TMEM125: variants seen among roughly 807,000 people sequenced by gnomAD.
TMEM125 encodes transmembrane protein 125.
Under a neutral mutation model 8.7 loss-of-function variants are expected in TMEM125, and 11 were observed. That is an observed-to-expected ratio of 1.26 (90% CI 0.79 to 2.08). The LOEUF (loss-of-function observed/expected upper bound fraction) is 2.08. Ranked by LOEUF, TMEM125 falls within the 30% of genes most tolerant of loss-of-function variation. The probability of loss-of-function intolerance (pLI) is 0.00; values close to 1 mark genes in which losing one functional copy is unlikely to be tolerated. For missense variants in TMEM125, 270 were observed against 302.4 expected, an observed-to-expected ratio of 0.89 and a Z score of 0.79; for synonymous variants, 144 against 146.1, an observed-to-expected ratio of 0.99 and a Z score of 0.10.
chr1:43,273,279 C>T lies in TMEM125; in HGVS notation c.557C>T (p.Thr186Ile), dbSNP rs201418322. 567 of 1,614,030 alleles carry T rather than the reference C, an allele frequency of 3.5e-4. 2 individuals are homozygous for T. The highest frequency in any genetic ancestry group is 4.7e-4 in the Non-Finnish European group (554 of 1,180,014). ...TCCATCTGTATGGCCACTCCCTCCA[C>T]CCACAGTGGCCATGGCGGCCATGGC... ...CPSICMATPS[T>I]HSGHGGHGSI... Residue 186 changes from threonine to isoleucine, a missense_variant, in exon 4 of 4, where the codon ACC becomes ATC. Physicochemically the swap from Thr to Ile is moderately conservative, Grantham distance 89. This residue lies in a region of TMEM125 where 52 missense variants were observed against 69.4 expected (regional missense o/e 0.75). Transcript: ENST00000439858.
At position 43,272,666 on chromosome 1, in the gene TMEM125, C is replaced by A; in HGVS notation, c.-57C>A. On this transcript the variant is annotated 5_prime_UTR_variant, in exon 4 of 4. The change creates a new upstream start codon in the 5' untranslated region. Transcript: ENST00000439858. The surrounding 1 kb of genome is among the most constrained non-coding windows in gnomAD (Gnocchi z 5.0). ...GGTGGCAGGTGCTCCAGGCTGTGAT[C>A]TGAACCCTCTGACCCCTGACATTGA... is the stretch of plus-strand genomic sequence containing the variant. The A allele has an allele frequency of 2.8e-6, 4 of 1,423,316 alleles. No homozygotes were observed. The South Asian group carries it at 4.7e-5, about 17-fold the overall frequency. 88.2% of individuals were successfully genotyped at this position (1,423,316 alleles called of 1,614,324 possible).
chr1:43,271,545 A>T lies in TMEM125; in HGVS notation c.-301-639A>T, dbSNP rs1395442318. ...ATGCTTTCCTCTGGAGGACAGGTTA[A>T]ATCAGCAGCCACTGTTAGGTGCCTG... On this transcript the variant is annotated intron_variant, in intron 2 of 3. Transcript: ENST00000439858. This position sits in a 1 kb window ranked among gnomAD's most constrained non-coding sequence, Gnocchi z 4.9. 6.6e-6 allele frequency among the ~76,000 whole-genome samples: 1 copy of T among 152,222 alleles called. No individual in the cohort carries two copies. The highest frequency in any genetic ancestry group is 1.9e-4 in the East Asian group (1 of 5,200).
rs1251945405 is a variant in TMEM125 at position 43,271,512 on chromosome 1, T to C, written c.-301-672T>C. Among the ~76,000 whole-genome samples the C allele has an allele frequency of 6.6e-6, 1 of 152,224 alleles. No homozygotes were observed. ...CCTCATGTGCTTTATTTTTGCCCAA[T>C]GTGAGACATGCTTTCCTCTGGAGGA... is the stretch of plus-strand genomic sequence containing the variant. On this transcript the variant is annotated intron_variant, in intron 2 of 3. Coordinates refer to ENST00000439858, the MANE Select transcript of TMEM125 (RefSeq NM_144626.3). The surrounding 1 kb of genome is among the most constrained non-coding windows in gnomAD (Gnocchi z 4.9).
At position 43,272,770 on chromosome 1, in the gene TMEM125, G is replaced by A. The variant is rs570518925; in HGVS notation, c.48G>A (p.Pro16=). ...AQAPGGRGLP[P]DMLAEQVELW... Reference sequence around the variant, plus strand: ...CCCCAGGGGGCCGGGGGCTGCCCCCGGACATGCTGGCAGAGCAGGTGGAGC... The same window carrying A: ...CCCCAGGGGGCCGGGGGCTGCCCCCAGACATGCTGGCAGAGCAGGTGGAGC... The change falls in exon 4 of 4, where the codon CCG becomes CCA. Residue 16 remains proline (P), a synonymous_variant. Coordinates refer to ENST00000439858, the MANE Select transcript of TMEM125 (RefSeq NM_144626.3). This position sits in a 1 kb window ranked among gnomAD's most constrained non-coding sequence, Gnocchi z 5.0. The A allele has an allele frequency of 9.2e-6, 14 of 1,526,432 alleles. No homozygotes were observed. Among genetic ancestry groups the A allele is most frequent in the Admixed American group, 6.2e-5 (3 of 48,186 alleles). 94.6% of individuals were successfully genotyped at this position (1,526,432 alleles called of 1,614,324 possible). A position where few individuals can be genotyped will look rare whatever the true frequency, so the allele number is the denominator to read the frequency against.
rs774242701 is a variant in TMEM125 at position 43,272,693 on chromosome 1, C to T, written c.-30C>T. The T allele has an allele frequency of 1.4e-6, 2 of 1,474,860 alleles. No individual in the cohort carries two copies. The highest frequency in any genetic ancestry group is 9.0e-7 in the Non-Finnish European group (1 of 1,117,044). 91.4% of individuals were successfully genotyped at this position (1,474,860 alleles called of 1,614,324 possible). On this transcript the variant is annotated 5_prime_UTR_variant, in exon 4 of 4. Transcript: ENST00000439858. This position sits in a 1 kb window ranked among gnomAD's most constrained non-coding sequence, Gnocchi z 5.0. The stretch of plus-strand genomic sequence containing the variant: ...GAACCCTCTGACCCCTGACATTGAC[C>T]TCCTACCCTGACCCCTGCCTGACCA...
Position 43,273,360 on chromosome 1 carries a change from C to A in TMEM125, c.638C>A (p.Ser213Tyr). ...LSAGRRHETT[S>Y]SIASLI ...GCTGGCCGGCGTCACGAGACCACAT[C>A]CAGCATTGCCAGCCTCATCTGACGG... is the stretch of plus-strand genomic sequence containing the variant. The change falls in exon 4 of 4, where the codon TCC becomes TAC. Residue 213 changes from serine to tyrosine, a missense_variant. Ser to Tyr is a moderately radical substitution (Grantham distance 144, BLOSUM62 -2). Around this residue, in one of 3 missense-constraint regions of TMEM125, gnomAD observed 52 missense variants for 69.4 expected, o/e 0.75. Coordinates refer to ENST00000439858, the MANE Select transcript of TMEM125 (RefSeq NM_144626.3). The A allele has an allele frequency of 6.2e-7, 1 of 1,608,368 alleles. No homozygotes were observed. The highest frequency in any genetic ancestry group is 2.2e-5 in the East Asian group (1 of 44,700).
At position 43,272,247 on chromosome 1, in the gene TMEM125, A is replaced by T. The variant is rs1646495657; in HGVS notation, c.-238A>T. 6.5e-6 allele frequency: 1 copy of T among 153,198 alleles called. No individual in the cohort carries two copies. Among genetic ancestry groups the T allele is most frequent in the Admixed American group, 6.5e-5 (1 of 15,304 alleles). The allele number at this position is 153,198 out of a possible 1,614,324, so 9.5% of individuals were successfully genotyped here. On this transcript the variant is annotated 5_prime_UTR_variant, in exon 3 of 4. Coordinates refer to ENST00000439858, the MANE Select transcript of TMEM125 (RefSeq NM_144626.3). The surrounding 1 kb of genome is among the most constrained non-coding windows in gnomAD (Gnocchi z 5.0). ...TGAGTAGGATCCTGAATGAGGCTTT[A>T]TCTCTGGCTGTTCGTCCCATCGTCC...
chr1:43,271,209 ATGCAG>A lies in TMEM125; in HGVS notation c.-302+417_-302+421del, dbSNP rs1646488906. On this transcript the variant is annotated intron_variant, in intron 2 of 3. Coordinates refer to ENST00000439858, the MANE Select transcript of TMEM125 (RefSeq NM_144626.3). The surrounding 1 kb of genome is among the most constrained non-coding windows in gnomAD (Gnocchi z 4.9). ...TTCAAAAAGCACGCTTTGAGCATCT[ATGCAG>A]GCTCTAGGCCCCACTGGAATTCTGA... The A allele has an allele frequency of 2.0e-5, 3 of 152,280 alleles. No homozygotes were observed. Among genetic ancestry groups the A allele is most frequent in the Admixed American group, 2.0e-4 (3 of 15,282 alleles). The allele number at this position is 152,280 out of a possible 1,614,324, so 9.4% of individuals were successfully genotyped here. A position where few individuals can be genotyped will look rare whatever the true frequency, so the allele number is the denominator to read the frequency against.
In TMEM125 at chr1:43,272,732, C is replaced by T; in HGVS notation, c.10C>T (p.Gln4Ter). The T allele has an allele frequency of 1.3e-6, 2 of 1,505,632 alleles. No individual in the cohort carries two copies. The highest frequency in any genetic ancestry group is 1.8e-6 in the Non-Finnish European group (2 of 1,128,906). 93.3% of individuals were successfully genotyped at this position (1,505,632 alleles called of 1,614,324 possible). MSE[Q>*]EAQAPGGRGL... ...CCTGCCTGACCAAGCCATGTCTGAACAGGAGGCTCAAGCCCCAGGGGGCCG... is the reference window on the plus strand; with the variant it reads ...CCTGCCTGACCAAGCCATGTCTGAATAGGAGGCTCAAGCCCCAGGGGGCCG... The change falls in exon 4 of 4, where the codon CAG becomes TAG. Residue 4 changes from glutamine to a stop codon, truncating the protein, a stop_gained. Coordinates refer to ENST00000439858, the MANE Select transcript of TMEM125 (RefSeq NM_144626.3). LOFTEE classifies it high-confidence loss of function. This position sits in a 1 kb window ranked among gnomAD's most constrained non-coding sequence, Gnocchi z 5.0.
Position 43,273,579 on chromosome 1 carries a change from G to T in TMEM125, c.*197G>T, listed in dbSNP as rs560295215. On this transcript the variant is annotated 3_prime_UTR_variant, in exon 4 of 4. Transcript: ENST00000439858. ...ATCCACATCATGGGAAGGTTAATGT[G>T]TGCCTCCTTGGAACTGGGTGTTGGT... The T allele has an allele frequency of 2.1e-4, 152 of 716,010 alleles. No individual in the cohort carries two copies. In the African/African-American group the frequency reaches 2.6e-3, roughly 12 times the overall value. The allele number at this position is 716,010 out of a possible 1,614,324, so 44.4% of individuals were successfully genotyped here.
At position 43,272,344 on chromosome 1, in the gene TMEM125, G is replaced by A. The variant is rs201586947; in HGVS notation, c.-146+5G>A. 6.5e-5 allele frequency: 11 copies of A among 169,964 alleles called. No homozygotes were observed. The East Asian group carries it at 1.6e-3, about 25-fold the overall frequency. 10.5% of individuals were successfully genotyped at this position (169,964 alleles called of 1,614,324 possible). Reference sequence around the variant, plus strand: ...GAGAGAGCCAGAGGCAGAGAGGTCAGGGCCTGGGTGAGGGGATTCCCTGGA... The same window carrying A: ...GAGAGAGCCAGAGGCAGAGAGGTCAAGGCCTGGGTGAGGGGATTCCCTGGA... On this transcript the variant is annotated splice_donor_5th_base_variant and intron_variant, in intron 3 of 3. Transcript: ENST00000439858. The surrounding 1 kb of genome is among the most constrained non-coding windows in gnomAD (Gnocchi z 5.0).
Position 43,273,418 on chromosome 1 carries a change from C to G in TMEM125, c.*36C>G, listed in dbSNP as rs773120304. On this transcript the variant is annotated 3_prime_UTR_variant, in exon 4 of 4. Transcript: ENST00000439858. ...GCCGTCCTTCTTCTCACAGCGGCCT[C>G]AGCGTCCCCAGAGCCGAGCCAGGGT... is the stretch of plus-strand genomic sequence containing the variant. 2 of 1,582,552 alleles carry G rather than the reference C, an allele frequency of 1.3e-6. No homozygotes were observed. The highest frequency in any genetic ancestry group is 1.7e-6 in the Non-Finnish European group (2 of 1,159,522).
rs977779790 is a variant in TMEM125 at position 43,273,462 on chromosome 1, T to C, written c.*80T>C. On this transcript the variant is annotated 3_prime_UTR_variant, in exon 4 of 4. Transcript: ENST00000439858. Reference sequence around the variant, plus strand: ...CCAGGGTGTGAGTGCATGTGAACGTTGAGTACACATGAGTGCGTGTATGCC... The same window carrying C: ...CCAGGGTGTGAGTGCATGTGAACGTCGAGTACACATGAGTGCGTGTATGCC... 5 of 1,484,082 alleles carry C rather than the reference T, an allele frequency of 3.4e-6. No individual in the cohort carries two copies. Among genetic ancestry groups the C allele is most frequent in the Non-Finnish European group, 3.6e-6 (4 of 1,097,334 alleles). The allele number at this position is 1,484,082 out of a possible 1,614,324, so 91.9% of individuals were successfully genotyped here.
At position 43,271,501 on chromosome 1, in the gene TMEM125, T is replaced by C. The variant is rs1347300466; in HGVS notation, c.-301-683T>C. Among the ~76,000 whole-genome samples the C allele has an allele frequency of 1.3e-5, 2 of 152,318 alleles. No homozygotes were observed. The highest frequency in any genetic ancestry group is 4.8e-5 in the African/African-American group (2 of 41,572). On this transcript the variant is annotated intron_variant, in intron 2 of 3. Coordinates refer to ENST00000439858, the MANE Select transcript of TMEM125 (RefSeq NM_144626.3). This position sits in a 1 kb window ranked among gnomAD's most constrained non-coding sequence, Gnocchi z 4.9. Reference sequence around the variant, plus strand: ...GAAGGCAGGGACCTCATGTGCTTTATTTTTGCCCAATGTGAGACATGCTTT... The same window carrying C: ...GAAGGCAGGGACCTCATGTGCTTTACTTTTGCCCAATGTGAGACATGCTTT...
Position 43,272,661 on chromosome 1 carries a change from G to T in TMEM125, c.-62G>T, listed in dbSNP as rs541942486. The T allele has an allele frequency of 2.9e-6, 4 of 1,399,076 alleles. No homozygotes were observed. Among genetic ancestry groups the T allele is most frequent in the African/African-American group, 1.5e-5 (1 of 68,564 alleles). 86.7% of individuals were successfully genotyped at this position (1,399,076 alleles called of 1,614,324 possible). On this transcript the variant is annotated 5_prime_UTR_variant, in exon 4 of 4. Transcript: ENST00000439858. The surrounding 1 kb of genome is among the most constrained non-coding windows in gnomAD (Gnocchi z 5.0). ...AAGCAGGTGGCAGGTGCTCCAGGCT[G>T]TGATCTGAACCCTCTGACCCCTGAC...
At position 43,272,902 on chromosome 1, in the gene TMEM125, C is replaced by G. The variant is rs1646502927; in HGVS notation, c.180C>G (p.Ser60Arg). The G allele has an allele frequency of 1.9e-6, 3 of 1,591,138 alleles. No homozygotes were observed. Among genetic ancestry groups the G allele is most frequent in the Non-Finnish European group, 1.7e-6 (2 of 1,165,498 alleles). ...GCGTGGCACTGCTGTCAACCACCAG[C>G]AGCCGCTCAGGTGAATGGCGGCTAG... ...AGGVALLSTT[S>R]SRSGEWRLAT... is the part of the protein sequence containing the mutation. Residue 60 changes from serine to arginine, a missense_variant, in exon 4 of 4, where the codon AGC (serine) becomes AGG (arginine). Around this residue, in one of 3 missense-constraint regions of TMEM125, gnomAD observed 215 missense variants for 216.5 expected, o/e 0.99. Transcript: ENST00000439858. The surrounding 1 kb of genome is among the most constrained non-coding windows in gnomAD (Gnocchi z 5.0).
In TMEM125 at chr1:43,271,677, G is replaced by A. The variant is rs114044979; in HGVS notation, c.-301-507G>A. Among the ~76,000 whole-genome samples the A allele has an allele frequency of 8.8e-3, 1,340 of 152,296 alleles. 15 individuals are homozygous for A. Among genetic ancestry groups the A allele is most frequent in the Non-Finnish European group, 0.015 (1,003 of 68,024 alleles). On this transcript the variant is annotated intron_variant, in intron 2 of 3. Transcript: ENST00000439858. The surrounding 1 kb of genome is among the most constrained non-coding windows in gnomAD (Gnocchi z 4.9). ...AATCGTGGAGGAGGATGGCATGGGG[G>A]AATGGCGAGTGTGGAGAAGAGCAAG...
Position 43,272,759 on chromosome 1 carries a change from G to A in TMEM125, c.37G>A (p.Gly13Arg), listed in dbSNP as rs748573029. ...GGAGGCTCAAGCCCCAGGGGGCCGG[G>A]GGCTGCCCCCGGACATGCTGGCAGA... ...EQEAQAPGGR[G>R]LPPDMLAEQV... Residue 13 changes from glycine (G) to arginine (R), a missense_variant, in exon 4 of 4, where the codon GGG becomes AGG. Gly to Arg is a moderately radical substitution (Grantham distance 125, BLOSUM62 -2). Coordinates refer to ENST00000439858, the MANE Select transcript of TMEM125 (RefSeq NM_144626.3). This position sits in a 1 kb window ranked among gnomAD's most constrained non-coding sequence, Gnocchi z 5.0. 6.6e-7 allele frequency: 1 copy of A among 1,519,456 alleles called. No individual in the cohort carries two copies. The highest frequency in any genetic ancestry group is 8.8e-7 in the Non-Finnish European group (1 of 1,134,126). 94.1% of individuals were successfully genotyped at this position (1,519,456 alleles called of 1,614,324 possible).
chr1:43,273,529 AT>A lies in TMEM125; in HGVS notation c.*149del. ...TCTTCTGTGGATTGCATGGCGTGTG[AT>A]TAAAAGCCCATGTGTTCCCACACAT... On this transcript the variant is annotated 3_prime_UTR_variant, in exon 4 of 4. Coordinates refer to ENST00000439858, the MANE Select transcript of TMEM125 (RefSeq NM_144626.3). 9.5e-7 allele frequency: 1 copy of A among 1,053,372 alleles called. No individual in the cohort carries two copies. Among genetic ancestry groups the A allele is most frequent in the Non-Finnish European group, 1.4e-6 (1 of 734,226 alleles). 65.3% of individuals were successfully genotyped at this position (1,053,372 alleles called of 1,614,324 possible).
Sources: allele counts gnomAD v4.1 joint callset (sites outside exome capture counted in the v4.1 genomes callset), GRCh38; gene constraint gnomAD v4.1.1; regional missense constraint gnomAD v4.1.1; non-coding constraint Gnocchi (gnomAD v3.1); transcripts MANE v1.5; gene names NCBI Gene and HGNC (gene_info 2026-07-23, HGNC 2026-07-21).